DCBLD1: variants seen among roughly 807,000 people sequenced by gnomAD.
The protein encoded by DCBLD1 is discoidin, CUB and LCCL domain containing 1.
Under a neutral mutation model 71.5 loss-of-function variants are expected in DCBLD1, and 57 were observed. The ratio of observed to expected loss-of-function variants is 0.80; its 90% CI spans 0.64 to 0.99. The LOEUF (loss-of-function observed/expected upper bound fraction) is 0.99, where lower values mean the gene tolerates loss of function less well. Ranked by LOEUF, DCBLD1 falls within the 50% of genes least tolerant of loss-of-function variation. DCBLD1 has a pLI of 0.00. For missense variants in DCBLD1, 891 were observed against 923.5 expected (o/e 0.96, Z 0.46); for synonymous variants, 380 against 363.8 (o/e 1.04, Z -0.51).
At chr6:117,523,387 G>A (rs534103159) in intron 4 of DCBLD1, among the ~76,000 whole-genome samples, 38 of 152,222 alleles carry the variant, frequency 2.5e-4, no homozygotes, top group South Asian at 4.2e-4. Context: ...CCTTAAATTC[G>A]TTTGACAGCA....
intron 2 of DCBLD1, among the ~76,000 whole-genome samples, chr6:117,508,570 C>G (rs994650859): frequency 7.2e-5 from 11 of 152,274 alleles, no homozygotes; most frequent in African/African-American, 2.4e-4. Context: ...ACCATGTAAC[C>G]TTGACTTGCC....
At chr6:117,502,064 C>A (rs1419438568) in intron 1 of DCBLD1, among the ~76,000 whole-genome samples, 3 of 152,212 alleles carry the variant, frequency 2.0e-5, no homozygotes, top group Non-Finnish European at 4.4e-5. Flanking sequence ...CCAGCTACCC[C>A]CATTGCTAGC....
At chr6:117,564,995 T>C (rs928325582) in intron 14 of DCBLD1, among the ~76,000 whole-genome samples, 1 of 152,166 alleles carries the variant, frequency 6.6e-6, no homozygotes, top group Non-Finnish European at 1.5e-5. Flanking sequence ...TACTAAGCAT[T>C]GAGGACTCCA....
In DCBLD1 at chr6:117,525,615, T is replaced by C. The variant is rs1234397323; in HGVS notation, c.585+181T>C. On this transcript the variant is annotated intron_variant, in intron 5 of 14. Transcript: ENST00000338728. Reference sequence around the variant, plus strand: ...CCAAGGTTACCCATGCATTCATTCCTATTAGCATTTCCAGCTAAGCTTACT... The same window carrying C: ...CCAAGGTTACCCATGCATTCATTCCCATTAGCATTTCCAGCTAAGCTTACT... Among the ~76,000 whole-genome samples, 3 of 134,636 alleles carry C rather than the reference T, an allele frequency of 2.2e-5. No homozygotes were observed. In the East Asian group the frequency reaches 6.4e-4, roughly 29 times the overall value. 88.3% of individuals were successfully genotyped at this position (134,636 alleles called of 152,430 possible).
intron 12 of DCBLD1, 184 bp from the exon 13 acceptor site, chr6:117,544,344 A>G (rs1779194686): frequency 8.2e-6 from 4 of 489,248 alleles, no homozygotes; most frequent in Non-Finnish European, 1.4e-5. Flanking sequence ...CTTATAAATG[A>G]GATAAATTTA....
At chr6:117,511,104 T>C (rs1368197065) in intron 2 of DCBLD1, among the ~76,000 whole-genome samples, 1 of 152,140 alleles carries the variant, frequency 6.6e-6, no homozygotes, top group African/African-American at 2.4e-5. Flanking sequence ...ACTCTTTAGC[T>C]CTGCACCATC....
At chr6:117,526,890 G>A (rs1778562149) in intron 5 of DCBLD1, among the ~76,000 whole-genome samples, 1 of 152,180 alleles carries the variant, frequency 6.6e-6, no homozygotes, top group Admixed American at 6.5e-5. Context: ...ACATGGTTTA[G>A]CTGGGTTCTC....
chr6:117,566,289 C>T (rs1354751632), intron 14 of DCBLD1, among the ~76,000 whole-genome samples: 1 of 152,138 alleles, frequency 6.6e-6, no homozygotes, highest in Non-Finnish European at 1.5e-5. Flanking sequence ...TAAAATATCT[C>T]AGAGACCCTC....
intron 4 of DCBLD1, 113 bp from the exon 5 acceptor site, chr6:117,525,249 T>C: frequency 1.4e-6 from 1 of 721,658 alleles, no homozygotes; most frequent in Non-Finnish European, 1.9e-6. Flanking sequence ...AATTTGCCAT[T>C]AAAGCAAGAT....
intron 14 of DCBLD1, among the ~76,000 whole-genome samples, chr6:117,567,568 T>C (rs1223568479): frequency 4.6e-5 from 7 of 152,156 alleles, no homozygotes; most frequent in Non-Finnish European, 1.0e-4. Flanking sequence ...TCTTATTCAA[T>C]AGGTCTTGAG....
intron 6 of DCBLD1, among the ~76,000 whole-genome samples, chr6:117,536,941 C>G (rs1013038886): frequency 1.3e-5 from 2 of 152,164 alleles, no homozygotes; most frequent in Non-Finnish European, 2.9e-5. Flanking sequence ...GAGTCCTAGC[C>G]CCTTTCCTAG....
intron 1 of DCBLD1, among the ~76,000 whole-genome samples, chr6:117,500,997 A>G (rs1177497221): frequency 2.3e-5 from 2 of 85,780 alleles, no homozygotes; most frequent in East Asian, 2.8e-4. Context: ...CTGTTTTCTG[A>G]AAAAAAAAAA....
At chr6:117,491,886 A>G (rs1208958428) in intron 1 of DCBLD1, among the ~76,000 whole-genome samples, 1 of 152,210 alleles carries the variant, frequency 6.6e-6, no homozygotes, top group Non-Finnish European at 1.5e-5. Flanking sequence ...GTATTTCTGT[A>G]TAAGCCCGAA....
At position 117,503,837 on chromosome 6, in the gene DCBLD1, C is replaced by T; in HGVS notation, c.183C>T (p.Thr61=). 2 of 1,614,098 alleles carry T rather than the reference C, an allele frequency of 1.2e-6. No homozygotes were observed. The highest frequency in any genetic ancestry group is 1.7e-6 in the Non-Finnish European group (2 of 1,180,002). The change falls in exon 2 of 15, where the codon ACC becomes ACT. Residue 61 remains threonine, a synonymous_variant. Coordinates refer to ENST00000338728, the MANE Select transcript of DCBLD1 (RefSeq NM_001366458.2). ...GTMTSKNYPG[T]YPNHTVCEKT... is the part of the protein sequence containing the mutation. ...TGACATCTAAGAATTATCCCGGGACCTACCCCAATCACACTGTTTGCGAAA... is the reference window on the plus strand; with the variant it reads ...TGACATCTAAGAATTATCCCGGGACTTACCCCAATCACACTGTTTGCGAAA...
intron 12 of DCBLD1, 48 bp downstream of exon 12, chr6:117,543,259 A>G (rs752164953): frequency 6.5e-7 from 1 of 1,546,160 alleles, no homozygotes; most frequent in South Asian, 1.1e-5. Context: ...TATGCGAACA[A>G]TAAAAAACCA....
chr6:117,550,451 T>C (rs576268807), downstream of DCBLD1, among the ~76,000 whole-genome samples: 136 of 152,330 alleles, frequency 8.9e-4, no homozygotes, highest in African/African-American at 2.5e-3. Context: ...GTCTGACTTA[T>C]GTTATCAAAT....
At chr6:117,492,412 A>G (rs945807616) in intron 1 of DCBLD1, among the ~76,000 whole-genome samples, 3 of 152,086 alleles carry the variant, frequency 2.0e-5, no homozygotes, top group African/African-American at 7.2e-5. Context: ...TTACAATTCT[A>G]AATGCCTTGA....
chr6:117,530,185 G>T (rs896479435), intron 5 of DCBLD1, among the ~76,000 whole-genome samples: 1 of 152,138 alleles, frequency 6.6e-6, no homozygotes, highest in Non-Finnish European at 1.5e-5. Context: ...ACGGTGTACT[G>T]GGTACCCTTT....
intron 14 of DCBLD1, chr6:117,566,883 T>C (rs760911403): frequency 1.3e-6 from 2 of 1,590,154 alleles, no homozygotes; most frequent in African/African-American, 2.7e-5. Context: ...CCCACTTGTG[T>C]CTTTGCAACT....
Sources: gnomAD v4.1 joint callset for allele counts (sites outside exome capture counted in the v4.1 genomes callset) on GRCh38, gnomAD v4.1.1 for gene constraint, MANE v1.5 for transcripts, NCBI Gene and HGNC (gene_info 2026-07-23, HGNC 2026-07-21) for gene names.